The following FRRS1L variants were observed in gnomAD, a reference collection of about 807,000 sequenced individuals.
FRRS1L encodes DOMON domain-containing protein FRRS1L.
FRRS1L carries 22 observed loss-of-function variants against 28.6 expected under a neutral mutation model. The ratio of observed to expected loss-of-function variants is 0.77; its 90% CI spans 0.55 to 1.10. The LOEUF (loss-of-function observed/expected upper bound fraction) is 1.10, where lower values mean the gene tolerates loss of function less well. Ranked by LOEUF, FRRS1L falls within the 50% of genes least tolerant of loss-of-function variation. The probability of loss-of-function intolerance (pLI) is 0.00; values close to 1 mark genes in which losing one functional copy is unlikely to be tolerated. For missense variants in FRRS1L, 380 were observed against 386.9 expected, an observed-to-expected ratio of 0.98 and a Z score of 0.15; for synonymous variants, 158 against 151.4, an observed-to-expected ratio of 1.04 and a Z score of -0.32.
At position 109,167,058 on chromosome 9, in the gene FRRS1L, T is replaced by G. The variant is rs1831563719; in HGVS notation, c.81A>C (p.Ala27=). The change falls in exon 1 of 5, where the codon GCA becomes GCC. Residue 27 remains alanine (A), a synonymous_variant. Coordinates refer to ENST00000561981, the MANE Select transcript of FRRS1L (RefSeq NM_014334.4). ...LLLLTGPAAC[A]ASPADDGAGP... Reference sequence around the variant, plus strand: ...CCGCACCGTCGTCCGCGGGGCTGGCTGCGCAGGCGGCGGGCCCCGTCAGTA... The same window carrying G: ...CCGCACCGTCGTCCGCGGGGCTGGCGGCGCAGGCGGCGGGCCCCGTCAGTA... The G allele has an allele frequency of 8.5e-7, 1 of 1,181,470 alleles. No homozygotes were observed. Among genetic ancestry groups the G allele is most frequent in the East Asian group, 4.0e-5 (1 of 25,038 alleles). The allele number at this position is 1,181,470 out of a possible 1,614,324, so 73.2% of individuals were successfully genotyped here.
At chr9:109,162,463 T>C (rs1273166380) in intron 1 of FRRS1L, among the ~76,000 whole-genome samples, 2 of 152,250 alleles carry the variant, frequency 1.3e-5, no homozygotes, top group African/African-American at 4.8e-5. Flanking sequence ...TCTGCTACTT[T>C]CTAGCTGTGT....
intron 2 of FRRS1L, chr9:109,147,390 G>T: frequency 3.7e-6 from 2 of 543,618 alleles, no homozygotes; most frequent in East Asian, 3.0e-5. Context: ...CACAAGAACT[G>T]CAGTCCTGAG....
chr9:109,140,781 C>T (rs1831170058), intron 4 of FRRS1L: 1 of 152,818 alleles, frequency 6.5e-6, no homozygotes, highest in South Asian at 2.1e-4. Context: ...AACTCCTGGG[C>T]TCAAACCATC....
rs751429704 is a variant in FRRS1L at position 109,137,420 on chromosome 9, C to T, written c.*35G>A. ...AAAATATATTTATACTAAAGACTTCCCAATCCATGTAATCTGTTGGCCCTG... is the reference window on the plus strand; with the variant it reads ...AAAATATATTTATACTAAAGACTTCTCAATCCATGTAATCTGTTGGCCCTG... On this transcript the variant is annotated 3_prime_UTR_variant, in exon 5 of 5. Transcript: ENST00000561981. 4.5e-6 allele frequency: 6 copies of T among 1,329,274 alleles called. No individual in the cohort carries two copies. The Admixed American group carries it at 9.9e-5, about 22-fold the overall frequency. 82.3% of individuals were successfully genotyped at this position (1,329,274 alleles called of 1,614,324 possible). A position where few individuals can be genotyped will look rare whatever the true frequency, so the allele number is the denominator to read the frequency against.
chr9:109,154,471 T>A (rs936519711), intron 1 of FRRS1L, among the ~76,000 whole-genome samples: 10 of 152,228 alleles, frequency 6.6e-5, no homozygotes, highest in Admixed American at 1.3e-4. Flanking sequence ...AACTGTAGCT[T>A]ATTAGTACTT....
Position 109,134,572 on chromosome 9 carries a change from T to C in FRRS1L, c.*2883A>G, listed in dbSNP as rs1326796213. On this transcript the variant is annotated 3_prime_UTR_variant, in exon 5 of 5. Coordinates refer to ENST00000561981, the MANE Select transcript of FRRS1L (RefSeq NM_014334.4). ...AGTGAGGAGGAGTGGCAAAAGATGA[T>C]ATTGCAGGTCACAGAAATGGCTTGC... The C allele has an allele frequency of 2.6e-5, 4 of 152,192 alleles. No homozygotes were observed. Among genetic ancestry groups the C allele is most frequent in the Non-Finnish European group, 1.5e-5 (1 of 68,034 alleles). 9.4% of individuals were successfully genotyped at this position (152,192 alleles called of 1,614,324 possible).
chr9:109,130,398 T>C lies in FRRS1L; in HGVS notation c.*7057A>G, dbSNP rs1224777598. On this transcript the variant is annotated 3_prime_UTR_variant, in exon 5 of 5. Coordinates refer to ENST00000561981, the MANE Select transcript of FRRS1L (RefSeq NM_014334.4). ...TCTAATTAATATATTCTGACTAACA[T>C]AATCATCCAAAGATAAAAGTATTTG... The C allele has an allele frequency of 6.6e-6, 1 of 152,236 alleles. No individual in the cohort carries two copies. Among genetic ancestry groups the C allele is most frequent in the African/African-American group, 2.4e-5 (1 of 41,466 alleles). 9.4% of individuals were successfully genotyped at this position (152,236 alleles called of 1,614,324 possible). A position where few individuals can be genotyped will look rare whatever the true frequency, so the allele number is the denominator to read the frequency against.
intron 3 of FRRS1L, among the ~76,000 whole-genome samples, chr9:109,142,495 C>T (rs1294079408): frequency 2.0e-5 from 3 of 151,964 alleles, no homozygotes; most frequent in Admixed American, 6.6e-5. Context: ...CAGAGTGAGA[C>T]CCTTTCTCAA....
rs148439645 is a variant in FRRS1L, at chr9:109,130,607, A to G, written c.*6848T>C. 3 of 152,354 alleles carry G rather than the reference A, an allele frequency of 2.0e-5. No individual in the cohort carries two copies. The highest frequency in any genetic ancestry group is 7.2e-5 in the African/African-American group (3 of 41,586). The allele number at this position is 152,354 out of a possible 1,614,324, so 9.4% of individuals were successfully genotyped here. A position where few individuals can be genotyped will look rare whatever the true frequency, so the allele number is the denominator to read the frequency against. ...AATTAATCACAAACATTAGGTACAC[A>G]ATTGTTATAAAACAAATATAACCTA... On this transcript the variant is annotated 3_prime_UTR_variant, in exon 5 of 5. Coordinates refer to ENST00000561981, the MANE Select transcript of FRRS1L (RefSeq NM_014334.4).
intron 1 of FRRS1L, among the ~76,000 whole-genome samples, chr9:109,159,809 C>T (rs1280596714): frequency 1.3e-5 from 2 of 152,204 alleles, no homozygotes; most frequent in African/African-American, 2.4e-5. Context: ...CAGCAGATGG[C>T]CTTTGGACCT....
At chr9:109,142,108 T>C (rs1831196879) in intron 3 of FRRS1L, among the ~76,000 whole-genome samples, 1 of 152,020 alleles carries the variant, frequency 6.6e-6, no homozygotes, top group Non-Finnish European at 1.5e-5. Flanking sequence ...AAACAAACAA[T>C]ATATTTAATA....
chr9:109,133,467 T>C lies in FRRS1L; in HGVS notation c.*3988A>G, dbSNP rs1452499861. 2 of 152,238 alleles carry C rather than the reference T, an allele frequency of 1.3e-5. No homozygotes were observed. Among genetic ancestry groups the C allele is most frequent in the African/African-American group, 4.8e-5 (2 of 41,474 alleles). The allele number at this position is 152,238 out of a possible 1,614,324, so 9.4% of individuals were successfully genotyped here. On this transcript the variant is annotated 3_prime_UTR_variant, in exon 5 of 5. Coordinates refer to ENST00000561981, the MANE Select transcript of FRRS1L (RefSeq NM_014334.4). ...ACCTAGCTAATTGGAGTATGGATAG[T>C]GGGTTCCATTTAATAAAAGTTTTAA...
At chr9:109,139,874 T>A (rs1033832006) in intron 4 of FRRS1L, 5 of 152,094 alleles carry the variant, frequency 3.3e-5, no homozygotes, top group African/African-American at 1.2e-4. Context: ...CCAGATCAGA[T>A]TAGGCAGCAA....
chr9:109,167,144 C>T lies in FRRS1L; in HGVS notation c.-6G>A, dbSNP rs1336930761. ...TGCCGGGGCGGCCGCGCCATCCGTGCGCACAGATCCCGCAGCCAGGCCGCT... is the reference window on the plus strand; with the variant it reads ...TGCCGGGGCGGCCGCGCCATCCGTGTGCACAGATCCCGCAGCCAGGCCGCT... On this transcript the variant is annotated 5_prime_UTR_variant, in exon 1 of 5. Coordinates refer to ENST00000561981, the MANE Select transcript of FRRS1L (RefSeq NM_014334.4). 2 of 1,146,616 alleles carry T rather than the reference C, an allele frequency of 1.7e-6. No individual in the cohort carries two copies. The highest frequency in any genetic ancestry group is 4.8e-5 in the Admixed American group (1 of 20,900). The allele number at this position is 1,146,616 out of a possible 1,614,324, so 71.0% of individuals were successfully genotyped here.
At chr9:109,153,505 T>C (rs1831363074) in intron 1 of FRRS1L, among the ~76,000 whole-genome samples, 3 of 152,204 alleles carry the variant, frequency 2.0e-5, no homozygotes, top group Admixed American at 1.3e-4. Context: ...CTATGTGTCT[T>C]TTCATTGACT....
At position 109,148,834 on chromosome 9, in the gene FRRS1L, C is replaced by T. The variant is rs571143499; in HGVS notation, c.323+802G>A. 1.2e-4 allele frequency among the ~76,000 whole-genome samples: 18 copies of T among 152,290 alleles called. No individual in the cohort carries two copies. The South Asian group carries it at 3.7e-3, about 32-fold the overall frequency. ...ATCACCAGGTTTATACATTGCTGAC[C>T]ATCTTCCTCAATAAGAACATTTTTG... On this transcript the variant is annotated intron_variant, in intron 2 of 4. Transcript: ENST00000561981.
In FRRS1L at chr9:109,130,347, T is replaced by C. The variant is rs1012156161; in HGVS notation, c.*7108A>G. On this transcript the variant is annotated 3_prime_UTR_variant, in exon 5 of 5. Coordinates refer to ENST00000561981, the MANE Select transcript of FRRS1L (RefSeq NM_014334.4). ...TCAACAGGAAGAATTTCAAACTATG[T>C]TGTAATTCTTATTTTAAAGTTTAAA... 4.6e-5 allele frequency: 7 copies of C among 152,260 alleles called. No individual in the cohort carries two copies. Among genetic ancestry groups the C allele is most frequent in the African/African-American group, 1.7e-4 (7 of 41,474 alleles). 9.4% of individuals were successfully genotyped at this position (152,260 alleles called of 1,614,324 possible). A position where few individuals can be genotyped will look rare whatever the true frequency, so the allele number is the denominator to read the frequency against.
rs1474078211 is a variant in FRRS1L, at chr9:109,135,524, C to G, written c.*1931G>C. On this transcript the variant is annotated 3_prime_UTR_variant, in exon 5 of 5. Transcript: ENST00000561981. Reference sequence around the variant, plus strand: ...GAGTGCAAGTGGCACAATTTTGGCTCACTGCAAGCTCTGCCTCCAAGGTTC... The same window carrying G: ...GAGTGCAAGTGGCACAATTTTGGCTGACTGCAAGCTCTGCCTCCAAGGTTC... The G allele has an allele frequency of 6.6e-6, 1 of 152,218 alleles. No homozygotes were observed. The highest frequency in any genetic ancestry group is 1.5e-5 in the Non-Finnish European group (1 of 68,054). The allele number at this position is 152,218 out of a possible 1,614,324, so 9.4% of individuals were successfully genotyped here. A position where few individuals can be genotyped will look rare whatever the true frequency, so the allele number is the denominator to read the frequency against.
rs1415525912 is a variant in FRRS1L at position 109,132,838 on chromosome 9, A to G, written c.*4617T>C. 1 of 152,236 alleles carries G rather than the reference A, an allele frequency of 6.6e-6. No individual in the cohort carries two copies. 9.4% of individuals were successfully genotyped at this position (152,236 alleles called of 1,614,324 possible). A position where few individuals can be genotyped will look rare whatever the true frequency, so the allele number is the denominator to read the frequency against. ...GTTTTATTGGAACATAGCCATGCTC[A>G]TTCATTTATGTATTGTTTATAGCAG... is the stretch of plus-strand genomic sequence containing the variant. On this transcript the variant is annotated 3_prime_UTR_variant, in exon 5 of 5. Coordinates refer to ENST00000561981, the MANE Select transcript of FRRS1L (RefSeq NM_014334.4).
Sources: gnomAD v4.1 joint callset for allele counts (sites outside exome capture counted in the v4.1 genomes callset) on GRCh38, gnomAD v4.1.1 for gene constraint, MANE v1.5 for transcripts, NCBI Gene and HGNC (gene_info 2026-07-23, HGNC 2026-07-21) for gene names.